SETD4: variants seen among roughly 807,000 people sequenced by gnomAD.
SETD4 encodes the protein SET domain-containing protein 4.
Under a neutral mutation model 58.3 loss-of-function variants are expected in SETD4, and 46 were observed. The observed-to-expected ratio is 0.79, with a 90% CI of 0.62 to 1.01. The LOEUF (loss-of-function observed/expected upper bound fraction) is 1.01, where lower values mean the gene tolerates loss of function less well. SETD4 is among the 50% of genes least tolerant of loss of function. The pLI, the probability that SETD4 is intolerant of heterozygous loss-of-function variation, is 0.00. For synonymous variants in SETD4, 190 were observed against 202.6 expected (o/e 0.94, Z 0.53); for missense variants, 490 against 523.3 (o/e 0.94, Z 0.62).
rs1329690861 is a variant in SETD4 at position 36,058,799 on chromosome 21, T to C, written c.73+17A>G. ...GGATTTCTTTTTTCATTACTGGTAC[T>C]AAAAGAAAAACCATACCTCCTCTTG... On this transcript the variant is annotated intron_variant, in intron 2 of 11. Coordinates refer to ENST00000332131, the MANE Select transcript of SETD4 (RefSeq NM_017438.5). The C allele has an allele frequency of 6.3e-7, 1 of 1,586,082 alleles. No individual in the cohort carries two copies. Among genetic ancestry groups the C allele is most frequent in the African/African-American group, 1.4e-5 (1 of 73,374 alleles).
intron 7 of SETD4, chr21:36,042,671 C>T (rs190551632): frequency 6.6e-6 from 1 of 152,286 alleles, no homozygotes; most frequent in Admixed American, 6.5e-5. Flanking sequence ...TTTAATAAGG[C>T]TCTTGCCGTT....
chr21:36,051,133 T>C, intron 4 of SETD4: 1 of 1,479,306 alleles, frequency 6.8e-7, no homozygotes, highest in Non-Finnish European at 9.5e-7. Flanking sequence ...ACTGCCTCCC[T>C]TCTACCCTCT....
chr21:36,055,494 C>T (rs1479969442), intron 3 of SETD4, among the ~76,000 whole-genome samples: 1 of 152,086 alleles, frequency 6.6e-6, no homozygotes, highest in African/African-American at 2.4e-5. Flanking sequence ...CGGTCAGTTC[C>T]CAAGGCAGAA....
rs7275660 is a variant in SETD4, at chr21:36,060,058, C to G, written c.-37+289G>C. The G allele has an allele frequency of 2.8e-4, 279 of 985,496 alleles. No individual in the cohort carries two copies. In the African/African-American group the frequency reaches 4.0e-3, roughly 14 times the overall value. 61.0% of individuals were successfully genotyped at this position (985,496 alleles called of 1,614,324 possible). A position where few individuals can be genotyped will look rare whatever the true frequency, so the allele number is the denominator to read the frequency against. ...CTAGCCGTGAGGCCGTCCTACGGTC[C>G]GACACACACCGCTCCCGCAGCCATA... On this transcript the variant is annotated intron_variant, in intron 1 of 11. Transcript: ENST00000332131.
intron 3 of SETD4, among the ~76,000 whole-genome samples, chr21:36,054,096 C>T (rs1277736378): frequency 7.2e-5 from 11 of 152,194 alleles, no homozygotes; most frequent in Non-Finnish European, 1.6e-4. Context: ...CCCCACAAAG[C>T]CTGCAGACAT....
chr21:36,058,752 GAACA>G, intron 2 of SETD4, 60 bp downstream of exon 2: 1 of 1,510,548 alleles, frequency 6.6e-7, no homozygotes, highest in Non-Finnish European at 8.9e-7. Context: ...AGCTACGTAT[GAACA>G]AACAAGCAAT....
chr21:36,059,789 C>T (rs965311744), intron 1 of SETD4: 16 of 985,280 alleles, frequency 1.6e-5, no homozygotes, highest in African/African-American at 1.4e-4. Flanking sequence ...ATATTAATAC[C>T]GCACTTCCGC....
Position 36,043,969 on chromosome 21 carries a change from A to G in SETD4, c.727-13T>C, listed in dbSNP as rs1046335420. The G allele has an allele frequency of 1.1e-5, 17 of 1,612,682 alleles. No individual in the cohort carries two copies. Among genetic ancestry groups the G allele is most frequent in the Non-Finnish European group, 1.4e-5 (17 of 1,179,358 alleles). The stretch of plus-strand genomic sequence containing the variant: ...ACGCTGCTTTTACCTAGAAAGAAAA[A>G]CTGTTAAGGTATTTTTTAAAGTAAG... On this transcript the variant is annotated splice_polypyrimidine_tract_variant and intron_variant, in intron 6 of 11. Transcript: ENST00000332131.
rs1444201571 is a variant in SETD4 at position 36,035,113 on chromosome 21, C to G, written c.*880G>C. On this transcript the variant is annotated 3_prime_UTR_variant, in exon 12 of 12. Coordinates refer to ENST00000332131, the MANE Select transcript of SETD4 (RefSeq NM_017438.5). ...CTGGGCAACATTGTCTAAGCGGCGT[C>G]CCCAGCACGGGCCTGAACAGGACCA... The G allele has an allele frequency of 6.6e-6, 1 of 152,248 alleles. No homozygotes were observed. The highest frequency in any genetic ancestry group is 1.5e-5 in the Non-Finnish European group (1 of 68,074). 9.4% of individuals were successfully genotyped at this position (152,248 alleles called of 1,614,324 possible). A position where few individuals can be genotyped will look rare whatever the true frequency, so the allele number is the denominator to read the frequency against.
intron 4 of SETD4, chr21:36,050,444 C>T: frequency 1.2e-6 from 2 of 1,614,128 alleles, no homozygotes; most frequent in South Asian, 2.2e-5. Context: ...TGGTGGTAGT[C>T]AGAGTACCAA....
intron 2 of SETD4, 112 bp downstream of exon 2, chr21:36,058,704 C>CGA (rs1207825733): frequency 8.0e-7 from 1 of 1,254,622 alleles, no homozygotes; most frequent in East Asian, 2.5e-5. Flanking sequence ...GGTGACAGAG[C>CGA]GAGAATCCGT....
In SETD4 at chr21:36,045,118, C is replaced by T. The variant is rs565134056; in HGVS notation, c.726+464G>A. Among the ~76,000 whole-genome samples the T allele has an allele frequency of 2.0e-5, 3 of 152,316 alleles. No individual in the cohort carries two copies. The East Asian group carries it at 5.8e-4, about 29-fold the overall frequency. Reference sequence around the variant, plus strand: ...TGAGCACTGAGGTGACAAAGAGGAACAAGACAAAGACCCCATTCTCAAAGA... The same window carrying T: ...TGAGCACTGAGGTGACAAAGAGGAATAAGACAAAGACCCCATTCTCAAAGA... On this transcript the variant is annotated intron_variant, in intron 6 of 11. Coordinates refer to ENST00000332131, the MANE Select transcript of SETD4 (RefSeq NM_017438.5).
intron 6 of SETD4, among the ~76,000 whole-genome samples, chr21:36,045,276 A>C (rs2064257085): frequency 6.6e-6 from 1 of 152,230 alleles, no homozygotes; most frequent in South Asian, 2.1e-4. Flanking sequence ...GGAAGGAGGA[A>C]CGAGGGAGAA....
At chr21:36,037,725 G>A (rs976910207) in intron 10 of SETD4, among the ~76,000 whole-genome samples, 9 of 152,034 alleles carry the variant, frequency 5.9e-5, no homozygotes, top group Admixed American at 2.6e-4. Flanking sequence ...CAGGCCAGGC[G>A]CAGTGGACAC....
Position 36,048,315 on chromosome 21 carries a change from T to G in SETD4, c.289A>C (p.Ile97Leu). 3.7e-6 allele frequency: 6 copies of G among 1,613,668 alleles called. No individual in the cohort carries two copies. Among genetic ancestry groups the G allele is most frequent in the Non-Finnish European group, 4.2e-6 (5 of 1,179,566 alleles). The change falls in exon 5 of 12, where the codon ATT becomes CTT. Residue 97 changes from isoleucine (I) to leucine (L), a missense_variant. Physicochemically the swap from Ile to Leu is conservative, Grantham distance 5. Transcript: ENST00000332131. ...AAGTGTGTGGTCACTTACTTAGTAA[T>G]GTATGCCCCTAAGTAGCTTCGAATC... ...TVIRSYLGAYITKWKPPPSPL... is the reference protein window; with the variant it reads ...TVIRSYLGAYLTKWKPPPSPL...
At position 36,034,909 on chromosome 21, in the gene SETD4, A is replaced by C. The variant is rs2063731598; in HGVS notation, c.*1084T>G. 6.6e-6 allele frequency: 1 copy of C among 152,258 alleles called. No homozygotes were observed. The highest frequency in any genetic ancestry group is 2.4e-5 in the African/African-American group (1 of 41,466). The allele number at this position is 152,258 out of a possible 1,614,324, so 9.4% of individuals were successfully genotyped here. A position where few individuals can be genotyped will look rare whatever the true frequency, so the allele number is the denominator to read the frequency against. Reference sequence around the variant, plus strand: ...AAATATACTGCAGCTACTGAAAAATAAACACAAAGTGTATATACAAACAGG... The same window carrying C: ...AAATATACTGCAGCTACTGAAAAATCAACACAAAGTGTATATACAAACAGG... On this transcript the variant is annotated 3_prime_UTR_variant, in exon 12 of 12. Coordinates refer to ENST00000332131, the MANE Select transcript of SETD4 (RefSeq NM_017438.5).
At chr21:36,039,957 A>T (rs556747151) in intron 9 of SETD4, among the ~76,000 whole-genome samples, 1 of 152,368 alleles carries the variant, frequency 6.6e-6, no homozygotes, top group South Asian at 2.1e-4. Flanking sequence ...CTCCCTGGAT[A>T]TCTAGCAGCA....
Position 36,045,780 on chromosome 21 carries a change from A to G in SETD4, c.528T>C (p.Phe176=). The G allele has an allele frequency of 6.2e-7, 1 of 1,614,156 alleles. No individual in the cohort carries two copies. The highest frequency in any genetic ancestry group is 1.6e-4 in the Middle Eastern group (1 of 6,062). Residue 176 remains phenylalanine, a synonymous_variant, in exon 6 of 12, where the codon TTT becomes TTC. Transcript: ENST00000332131. ...VQEFFASSRD[F]FSSLQPLFAE... Reference sequence around the variant, plus strand: ...CAAACAGAGGCTGCAGAGAAGAGAAAAAGTCTCTGGAGGAAGCAAAGAACT... The same window carrying G: ...CAAACAGAGGCTGCAGAGAAGAGAAGAAGTCTCTGGAGGAAGCAAAGAACT...
At chr21:36,035,999 T>A in intron 11 of SETD4, 39 bp from the exon 12 acceptor site, 2 of 1,294,158 alleles carry the variant, frequency 1.5e-6, no homozygotes, top group Admixed American at 4.3e-5. Context: ...AAGTTCCTAA[T>A]TGTTGAGTAG....
Sources: allele counts gnomAD v4.1 joint callset (sites outside exome capture counted in the v4.1 genomes callset), GRCh38; gene constraint gnomAD v4.1.1; transcripts MANE v1.5; gene names NCBI Gene and HGNC (gene_info 2026-07-23, HGNC 2026-07-21).